AK8: variants seen among roughly 807,000 people sequenced by gnomAD.
AK8 encodes ATP-AMP transphosphorylase 8.
In AK8, 44 loss-of-function variants were observed where a neutral mutation model predicts 54.6. The observed-to-expected ratio is 0.81, with a 90% CI of 0.63 to 1.04. The LOEUF (loss-of-function observed/expected upper bound fraction) is 1.04. Ranked by LOEUF, AK8 falls within the 50% of genes least tolerant of loss-of-function variation. The pLI is 0.00. For missense variants in AK8, 555 were observed against 613.6 expected, an observed-to-expected ratio of 0.90 and a Z score of 1.01; for synonymous variants, 239 against 245.6, an observed-to-expected ratio of 0.97 and a Z score of 0.25.
intron 5 of AK8, among the ~76,000 whole-genome samples, chr9:132,842,672 G>C (rs1242058945): frequency 1.3e-5 from 2 of 152,242 alleles, no homozygotes; most frequent in African/African-American, 4.8e-5. Flanking sequence ...GGTTTTCAAG[G>C]AGTCTGAGCA....
chr9:132,855,010 C>T (rs546771294), intron 4 of AK8, 85 bp from the exon 5 acceptor site: 28 of 1,426,418 alleles, frequency 2.0e-5, no homozygotes, highest in African/African-American at 9.9e-5. Context: ...CCTTCACCAA[C>T]GCCCTGGCCT....
At chr9:132,820,801 G>A (rs1242154539) in intron 9 of AK8, among the ~76,000 whole-genome samples, 1 of 152,212 alleles carries the variant, frequency 6.6e-6, no homozygotes, top group African/African-American at 2.4e-5. Flanking sequence ...ATTAGAACCA[G>A]GCGAGCGGAT....
chr9:132,875,777 T>A (rs1357519105), intron 1 of AK8, among the ~76,000 whole-genome samples: 2 of 152,238 alleles, frequency 1.3e-5, no homozygotes, highest in African/African-American at 2.4e-5. Context: ...GGCCTCCTTG[T>A]CTGCCTAGAG....
At chr9:132,831,001 C>T (rs1459535121) in intron 5 of AK8, among the ~76,000 whole-genome samples, 1 of 152,054 alleles carries the variant, frequency 6.6e-6, no homozygotes, top group African/African-American at 2.4e-5. Flanking sequence ...TTATGGCTCA[C>T]CACCTGTTCC....
chr9:132,865,185 T>G (rs1843536517), intron 3 of AK8, among the ~76,000 whole-genome samples: 1 of 152,186 alleles, frequency 6.6e-6, no homozygotes, highest in Non-Finnish European at 1.5e-5. Context: ...GCAGAAAGGC[T>G]TAGAACCCTA....
At chr9:132,807,050 G>A (rs535922760) in intron 10 of AK8, among the ~76,000 whole-genome samples, 1 of 152,168 alleles carries the variant, frequency 6.6e-6, no homozygotes, top group African/African-American at 2.4e-5. Context: ...TACATACCAG[G>A]ACTTTCGCTT....
At chr9:132,743,563 T>C (rs1166210303) in intron 11 of AK8, among the ~76,000 whole-genome samples, 2 of 152,226 alleles carry the variant, frequency 1.3e-5, no homozygotes, top group African/African-American at 4.8e-5. Context: ...CCTATCTATA[T>C]AAACGTGCTG....
intron 4 of AK8, among the ~76,000 whole-genome samples, chr9:132,859,450 G>A (rs879708477): frequency 1.3e-5 from 2 of 151,990 alleles, no homozygotes; most frequent in Non-Finnish European, 2.9e-5. Flanking sequence ...GAAAGGTGGC[G>A]ATCCTCCCGC....
At chr9:132,766,711 A>G (rs1045783637) in intron 11 of AK8, among the ~76,000 whole-genome samples, 1 of 152,236 alleles carries the variant, frequency 6.6e-6, no homozygotes, top group Non-Finnish European at 1.5e-5. Context: ...CAAAAAGAAC[A>G]AAGCTGGAGG....
At chr9:132,774,014 G>T (rs1839096380) in intron 11 of AK8, among the ~76,000 whole-genome samples, 1 of 152,088 alleles carries the variant, frequency 6.6e-6, no homozygotes, top group Non-Finnish European at 1.5e-5. Context: ...AGGAAGCATG[G>T]GGCCCCCCTC....
chr9:132,828,133 G>A, intron 6 of AK8, 49 bp from the exon 7 acceptor site: 1 of 1,515,754 alleles, frequency 6.6e-7, no homozygotes, highest in South Asian at 1.2e-5. Flanking sequence ...GGCAGCGGGT[G>A]CCACACATTT....
At chr9:132,872,171 A>C (rs1255886490) in intron 2 of AK8, among the ~76,000 whole-genome samples, 1 of 151,904 alleles carries the variant, frequency 6.6e-6, no homozygotes, top group Non-Finnish European at 1.5e-5. Flanking sequence ...CCATCTCTAC[A>C]AAAAATTTTT....
intron 11 of AK8, among the ~76,000 whole-genome samples, chr9:132,757,845 T>C (rs1275569272): frequency 5.9e-5 from 9 of 152,252 alleles, no homozygotes; most frequent in Admixed American, 3.3e-4. Context: ...AAATCCATCA[T>C]TGATCCTAAG....
At chr9:132,784,127 C>T (rs192400280) in intron 11 of AK8, among the ~76,000 whole-genome samples, 11 of 152,206 alleles carry the variant, frequency 7.2e-5, no homozygotes, top group African/African-American at 2.6e-4. Flanking sequence ...GAGCTATGGC[C>T]TGGTGATTGT....
chr9:132,845,189 G>A (rs1417183100), intron 5 of AK8, among the ~76,000 whole-genome samples: 2 of 152,262 alleles, frequency 1.3e-5, no homozygotes, highest in Non-Finnish European at 2.9e-5. Flanking sequence ...CAGACCAGGC[G>A]CGTAGACTAC....
chr9:132,749,230 T>C (rs908878080), intron 11 of AK8, among the ~76,000 whole-genome samples: 1 of 151,964 alleles, frequency 6.6e-6, no homozygotes, highest in Non-Finnish European at 1.5e-5. Flanking sequence ...TTTCACGCAA[T>C]CTTCTCTTTG....
chr9:132,740,514 G>C (rs1341368346), intron 11 of AK8, among the ~76,000 whole-genome samples: 2 of 152,150 alleles, frequency 1.3e-5, no homozygotes, highest in Non-Finnish European at 2.9e-5. Flanking sequence ...TACTTGCTTT[G>C]AGCCTTCTCC....
intron 10 of AK8, among the ~76,000 whole-genome samples, chr9:132,809,711 CGGGTTCA>C (rs929942179): frequency 6.6e-6 from 1 of 152,228 alleles, no homozygotes; most frequent in Admixed American, 6.5e-5. Flanking sequence ...TGTCTCCTAT[CGGGTTCA>C]GAACTCAGGA....
intron 9 of AK8, among the ~76,000 whole-genome samples, chr9:132,816,136 T>C (rs780305516): frequency 1.3e-5 from 2 of 151,992 alleles, no homozygotes; most frequent in Non-Finnish European, 2.9e-5. Flanking sequence ...GGAGGATCAT[T>C]TGAGGTCAGG....
Sources: gnomAD v4.1 joint callset for allele counts (sites outside exome capture counted in the v4.1 genomes callset) on GRCh38, gnomAD v4.1.1 for gene constraint, MANE v1.5 for transcripts, NCBI Gene and HGNC (gene_info 2026-07-23, HGNC 2026-07-21) for gene names.